The following CCDC183 variants were observed in gnomAD, a reference collection of about 807,000 sequenced individuals.
The protein encoded by CCDC183 is coiled-coil domain containing 183.
Under a neutral mutation model 65.2 loss-of-function variants are expected in CCDC183, and 63 were observed. That is an observed-to-expected ratio of 0.97 (90% CI 0.79 to 1.19). The LOEUF (loss-of-function observed/expected upper bound fraction) is 1.19, where lower values mean the gene tolerates loss of function less well. Ranked by LOEUF, CCDC183 falls within the 50% of genes most tolerant of loss-of-function variation. The pLI is 0.00. For synonymous variants in CCDC183, 323 were observed against 276.5 expected, an observed-to-expected ratio of 1.17 and a Z score of -1.67; for missense variants, 769 against 689.3, an observed-to-expected ratio of 1.12 and a Z score of -1.30.
chr9:136,802,691 G>T lies in CCDC183; in HGVS notation c.571G>T (p.Asp191Tyr), dbSNP rs1398720408. Residue 191 changes from aspartate (D) to tyrosine (Y), a missense_variant, in exon 6 of 14, where the codon GAC becomes TAC. By Grantham distance (160) the Asp-to-Tyr change is radical (BLOSUM62 -3). Transcript: ENST00000338005. The part of the protein sequence containing the change: ...TVLAGYPIEL[D>Y]KLQNLVVNYC... Reference sequence around the variant, plus strand: ...GCTGGCAGGATACCCCATTGAGCTGGACAAGCTGCAGAACCTCGTGGTCAA... The same window carrying T: ...GCTGGCAGGATACCCCATTGAGCTGTACAAGCTGCAGAACCTCGTGGTCAA... 6.2e-7 allele frequency: 1 copy of T among 1,613,228 alleles called. No individual in the cohort carries two copies. The highest frequency in any genetic ancestry group is 8.5e-7 in the Non-Finnish European group (1 of 1,179,798).
rs190191629 is a variant in CCDC183, at chr9:136,806,806, A to C, written c.1328A>C (p.Tyr443Ser). 1 of 1,613,574 alleles carries C rather than the reference A, an allele frequency of 6.2e-7. No homozygotes were observed. The highest frequency in any genetic ancestry group is 1.7e-5 in the Admixed American group (1 of 60,010). Residue 443 changes from tyrosine to serine, a missense_variant, in exon 12 of 14, where the codon TAC (tyrosine) becomes TCC (serine). Physicochemically the swap from Tyr to Ser is moderately radical, Grantham distance 144 (BLOSUM62 -2). Coordinates refer to ENST00000338005, the MANE Select transcript of CCDC183 (RefSeq NM_001039374.5). Reference protein sequence around the residue: ...NTLDLNSKLAYCEGKLTYLAD... With the variant: ...NTLDLNSKLASCEGKLTYLAD... ...CTCGATTTGAACAGCAAGCTGGCGT[A>C]CTGCGAGGGGAAGCTCACGTACCTG...
intron 3 of CCDC183, 62 bp from the exon 4 acceptor site, chr9:136,799,940 C>A: frequency 6.5e-7 from 1 of 1,540,770 alleles, no homozygotes; most frequent in Non-Finnish European, 8.8e-7. Flanking sequence ...CGCCCGCCTG[C>A]TGGCGGGCTC....
Position 136,806,561 on chromosome 9 carries a change from C to G in CCDC183, c.1167C>G (p.Leu389=), listed in dbSNP as rs371817630. The G allele has an allele frequency of 6.2e-7, 1 of 1,613,548 alleles. No homozygotes were observed. Among genetic ancestry groups the G allele is most frequent in the South Asian group, 1.1e-5 (1 of 91,092 alleles). The change falls in exon 11 of 14, where the codon CTC becomes CTG. Residue 389 remains leucine (L), a synonymous_variant. Coordinates refer to ENST00000338005, the MANE Select transcript of CCDC183 (RefSeq NM_001039374.5). ...TDMLKEEEER[L]QLAHSNMTKG... is the part of the protein sequence containing the mutation. Reference sequence around the variant, plus strand: ...TGCTAAAAGAGGAAGAAGAGAGGCTCCAGCTGGCGCACAGCAACATGACCA... The same window carrying G: ...TGCTAAAAGAGGAAGAAGAGAGGCTGCAGCTGGCGCACAGCAACATGACCA...
rs754204961 is a variant in CCDC183 at position 136,804,839 on chromosome 9, G to C, written c.847+23G>C. ...AATGTAAGCGCTCAGCTCCCCACCT[G>C]CCCCCAGCCAGGGTCCCAAGGAGAG... is the stretch of plus-strand genomic sequence containing the variant. On this transcript the variant is annotated intron_variant, in intron 8 of 13. Transcript: ENST00000338005. The surrounding 1 kb of genome is among the most constrained non-coding windows in gnomAD (Gnocchi z 4.1). 6.8e-6 allele frequency: 11 copies of C among 1,609,774 alleles called. No individual in the cohort carries two copies. Among genetic ancestry groups the C allele is most frequent in the Admixed American group, 3.3e-5 (2 of 59,944 alleles).
chr9:136,800,127 G>A lies in CCDC183; in HGVS notation c.396G>A (p.Arg132=). The A allele has an allele frequency of 1.3e-6, 2 of 1,541,450 alleles. No homozygotes were observed. The highest frequency in any genetic ancestry group is 1.7e-6 in the Non-Finnish European group (2 of 1,147,316). The change falls in exon 4 of 14, where the codon CGG becomes CGA. Residue 132 remains arginine, a synonymous_variant. Transcript: ENST00000338005. ...ESMQLELDSL[R]SQPDASKEEL... The stretch of plus-strand genomic sequence containing the variant: ...TGCAGCTGGAGCTGGACAGCCTGCG[G>A]AGCCAGCCCGACGCCAGCAAGGAGG...
At chr9:136,807,331 A>T in intron 13 of CCDC183, 1 of 651,918 alleles carries the variant, frequency 1.5e-6, no homozygotes, top group Non-Finnish European at 2.6e-6. Flanking sequence ...CCAGGGCTGG[A>T]GCAGGGAGGA....
intron 1 of CCDC183, among the ~76,000 whole-genome samples, chr9:136,798,883 C>T (rs1847693649): frequency 6.6e-6 from 1 of 152,242 alleles, no homozygotes; most frequent in Admixed American, 6.5e-5. Flanking sequence ...ACCTGTCCAC[C>T]TCCCCGCACC....
In CCDC183 at chr9:136,806,553, G is replaced by C. The variant is rs757151034; in HGVS notation, c.1159G>C (p.Glu387Gln). Reference sequence around the variant, plus strand: ...GACAGACATGCTAAAAGAGGAAGAAGAGAGGCTCCAGCTGGCGCACAGCAA... The same window carrying C: ...GACAGACATGCTAAAAGAGGAAGAACAGAGGCTCCAGCTGGCGCACAGCAA... ...KMTDMLKEEE[E>Q]RLQLAHSNMT... The change falls in exon 11 of 14, where the codon GAG (glutamate) becomes CAG (glutamine). Residue 387 changes from glutamate (E) to glutamine (Q), a missense_variant. By Grantham distance (29) the Glu-to-Gln change is conservative (BLOSUM62 2). Coordinates refer to ENST00000338005, the MANE Select transcript of CCDC183 (RefSeq NM_001039374.5). The C allele has an allele frequency of 1.2e-6, 2 of 1,613,670 alleles. No individual in the cohort carries two copies. The highest frequency in any genetic ancestry group is 1.7e-6 in the Non-Finnish European group (2 of 1,180,040).
chr9:136,806,300 A>G (rs1245811359), intron 10 of CCDC183, 62 bp downstream of exon 10: 2 of 1,521,890 alleles, frequency 1.3e-6, no homozygotes, highest in Non-Finnish European at 1.8e-6. Context: ...CCCGGGCTGC[A>G]GCCAGGCTGG....
intron 1 of CCDC183, among the ~76,000 whole-genome samples, chr9:136,798,774 G>A (rs1048591991): frequency 6.6e-6 from 1 of 152,156 alleles, no homozygotes; most frequent in African/African-American, 2.4e-5. Context: ...GGGCCCCAAA[G>A]CCAGAATGGA....
chr9:136,799,543 A>G, intron 2 of CCDC183, 170 bp from the exon 3 acceptor site: 1 of 698,770 alleles, frequency 1.4e-6, no homozygotes, highest in Non-Finnish European at 2.4e-6. Flanking sequence ...GTCGCCTCCG[A>G]ACTTGGATGG....
chr9:136,803,373 T>C (rs1286421194), intron 6 of CCDC183, among the ~76,000 whole-genome samples: 3 of 152,040 alleles, frequency 2.0e-5, no homozygotes, highest in Admixed American at 6.5e-5. Context: ...CCCAGAAGGA[T>C]CCAGTGGCCA....
Position 136,806,224 on chromosome 9 carries a change from G to A in CCDC183, c.1095G>A (p.Lys365=). Reference sequence around the variant, plus strand: ...AGGCCGTGCTCAAGTTCCGCCAGAAGCCTAGCTCCATCAGGTGCCCCGGGC... The same window carrying A: ...AGGCCGTGCTCAAGTTCCGCCAGAAACCTAGCTCCATCAGGTGCCCCGGGC... ...LEEAVLKFRQ[K]PSSISFKSVE... is the part of the protein sequence containing the mutation. The change falls in exon 10 of 14, where the codon AAG becomes AAA. Residue 365 remains lysine (K), a synonymous_variant. Transcript: ENST00000338005. 1.3e-6 allele frequency: 2 copies of A among 1,592,324 alleles called. No individual in the cohort carries two copies. The highest frequency in any genetic ancestry group is 1.1e-5 in the South Asian group (1 of 87,640).
chr9:136,804,830 T>A lies in CCDC183; in HGVS notation c.847+14T>A. 14 of 1,611,984 alleles carry A rather than the reference T, an allele frequency of 8.7e-6. No homozygotes were observed. The highest frequency in any genetic ancestry group is 1.3e-5 in the African/African-American group (1 of 74,666). ...AGACCCTGAAATGTAAGCGCTCAGC[T>A]CCCCACCTGCCCCCAGCCAGGGTCC... On this transcript the variant is annotated intron_variant, in intron 8 of 13. Transcript: ENST00000338005. The surrounding 1 kb of genome is among the most constrained non-coding windows in gnomAD (Gnocchi z 4.1).
rs867545314 is a variant in CCDC183 at position 136,807,497 on chromosome 9, G to A, written c.1487-75G>A. The A allele has an allele frequency of 6.1e-6, 9 of 1,482,058 alleles. No individual in the cohort carries two copies. In the African/African-American group the frequency reaches 1.1e-4, roughly 19 times the overall value. 91.8% of individuals were successfully genotyped at this position (1,482,058 alleles called of 1,614,324 possible). A position where few individuals can be genotyped will look rare whatever the true frequency, so the allele number is the denominator to read the frequency against. ...CACCTGGCCCGGGTCGGTGGAGGGC[G>A]GGGGCGAGAGGCGGGTCGGGCGGCT... On this transcript the variant is annotated intron_variant, in intron 13 of 13. Transcript: ENST00000338005.
chr9:136,807,280 G>C (rs937739484), intron 13 of CCDC183: 5 of 643,570 alleles, frequency 7.8e-6, no homozygotes, highest in Non-Finnish European at 1.3e-5. Context: ...TTCTCCGAAA[G>C]GAGGAGGCAT....
chr9:136,799,061 G>T, intron 1 of CCDC183, 41 bp from the exon 2 acceptor site: 1 of 1,610,148 alleles, frequency 6.2e-7, no homozygotes, highest in Admixed American at 1.7e-5. Context: ...CCAGGCCCTT[G>T]GCCCAATCCT....
At chr9:136,799,448 G>A (rs1320415191) in intron 2 of CCDC183, 4 of 796,880 alleles carry the variant, frequency 5.0e-6, no homozygotes, top group Non-Finnish European at 5.8e-6. Flanking sequence ...GCATCTGTGA[G>A]CCCACATCCT....
At chr9:136,805,013 AGCACCCAAGGGCCCT>A in intron 8 of CCDC183, 197 bp downstream of exon 8, 1 of 610,670 alleles carries the variant, frequency 1.6e-6, no homozygotes, top group Non-Finnish European at 2.9e-6. Flanking sequence ...TGCTGGCCCC[AGCACCCAAGGGCCCT>A]GCACCAAGGG....
Sources: gnomAD v4.1 joint callset for allele counts (sites outside exome capture counted in the v4.1 genomes callset) on GRCh38, gnomAD v4.1.1 for gene constraint, Gnocchi (gnomAD v3.1) non-coding constraint, MANE v1.5 for transcripts, NCBI Gene and HGNC (gene_info 2026-07-23, HGNC 2026-07-21) for gene names.